Variants in UBASH3B observed in about 807,000 individuals in gnomAD.
UBASH3B encodes the protein ubiquitin associated and SH3 domain containing B.
UBASH3B carries 37 observed loss-of-function variants against 83.4 expected under a neutral mutation model. The ratio of observed to expected loss-of-function variants is 0.44; its 90% CI spans 0.34 to 0.58. The LOEUF is 0.58. Ranked by LOEUF, UBASH3B falls within the 20% of genes least tolerant of loss-of-function variation. The pLI is 0.01. For missense variants in UBASH3B, 657 were observed against 827.2 expected (o/e 0.79, Z 2.52); for synonymous variants, 304 against 318.3 (o/e 0.96, Z 0.48).
chr11:122,722,535 CA>C (rs1860657958), intron 1 of UBASH3B, among the ~76,000 whole-genome samples: 1 of 152,074 alleles, frequency 6.6e-6, no homozygotes, highest in Non-Finnish European at 1.5e-5. Flanking sequence ...TCTAGATATC[CA>C]AGGAGAAAAC....
Position 122,776,291 on chromosome 11 carries a change from A to T in UBASH3B, c.215+19A>T, listed in dbSNP as rs934794493. ...GTGACTGGTTGGTATGAGATAAATAAATTGAGAAAATAGCATATAATTAAC... is the reference window on the plus strand; with the variant it reads ...GTGACTGGTTGGTATGAGATAAATATATTGAGAAAATAGCATATAATTAAC... On this transcript the variant is annotated intron_variant, in intron 2 of 13. Coordinates refer to ENST00000284273, the MANE Select transcript of UBASH3B (RefSeq NM_032873.5). The T allele has an allele frequency of 6.3e-7, 1 of 1,596,624 alleles. No individual in the cohort carries two copies. Among genetic ancestry groups the T allele is most frequent in the Non-Finnish European group, 8.5e-7 (1 of 1,172,482 alleles).
chr11:122,737,318 G>A (rs1201052909), intron 1 of UBASH3B, among the ~76,000 whole-genome samples: 2 of 152,176 alleles, frequency 1.3e-5, no homozygotes, highest in Non-Finnish European at 2.9e-5. Flanking sequence ...TTGTCAAAGC[G>A]AGGGGTGATG....
At position 122,759,714 on chromosome 11, in the gene UBASH3B, G is replaced by A. The variant is rs909238384; in HGVS notation, c.162-16505G>A. The stretch of plus-strand genomic sequence containing the variant: ...CACAGTAGGGTTTGTGCTCCTGTGA[G>A]AATCTAATGCTGCCACTGATCTGAT... On this transcript the variant is annotated intron_variant, in intron 1 of 13. Transcript: ENST00000284273. This position sits in a 1 kb window ranked among gnomAD's most constrained non-coding sequence, Gnocchi z 4.1. Among the ~76,000 whole-genome samples the A allele has an allele frequency of 6.6e-6, 1 of 152,198 alleles. No individual in the cohort carries two copies. Among genetic ancestry groups the A allele is most frequent in the Admixed American group, 6.5e-5 (1 of 15,286 alleles).
At chr11:122,702,688 C>A (rs758013080) in intron 1 of UBASH3B, among the ~76,000 whole-genome samples, 1 of 152,006 alleles carries the variant, frequency 6.6e-6, no homozygotes, top group Non-Finnish European at 1.5e-5. Flanking sequence ...CCACACCCGG[C>A]AAATTTTTGT....
At chr11:122,774,219 C>G (rs149279611) in intron 1 of UBASH3B, 19 of 985,460 alleles carry the variant, frequency 1.9e-5, no homozygotes, top group Middle Eastern at 1.0e-3. Flanking sequence ...CTGTTCCAAG[C>G]GGAGCAGAGG....
At chr11:122,737,939 C>A (rs1860961072) in intron 1 of UBASH3B, among the ~76,000 whole-genome samples, 1 of 152,070 alleles carries the variant, frequency 6.6e-6, no homozygotes, top group Non-Finnish European at 1.5e-5. Flanking sequence ...TGGACAGATT[C>A]CTGAGGAATA....
chr11:122,810,857 T>A lies in UBASH3B; in HGVS notation c.*971T>A, dbSNP rs538409702. On this transcript the variant is annotated 3_prime_UTR_variant, in exon 14 of 14. Transcript: ENST00000284273. ...AAGTTCATTCTGTGCAATATGGACA[T>A]GTTTGCAAACCATACCAAGGGTCAG... 1 of 152,310 alleles carries A rather than the reference T, an allele frequency of 6.6e-6. No individual in the cohort carries two copies. Among genetic ancestry groups the A allele is most frequent in the South Asian group, 2.1e-4 (1 of 4,812 alleles). The allele number at this position is 152,310 out of a possible 1,614,324, so 9.4% of individuals were successfully genotyped here.
intron 1 of UBASH3B, among the ~76,000 whole-genome samples, chr11:122,725,347 A>AAAG (rs1260679185): frequency 6.7e-6 from 1 of 149,294 alleles, no homozygotes; most frequent in Admixed American, 6.7e-5. Flanking sequence ...AAAAAAAAGA[A>AAAG]AAGAAAAGAA....
intron 1 of UBASH3B, among the ~76,000 whole-genome samples, chr11:122,730,549 G>A (rs941725244): frequency 1.3e-5 from 2 of 151,590 alleles, no homozygotes; most frequent in South Asian, 4.2e-4. Flanking sequence ...CTGCACAACT[G>A]AGCTTGCCTT....
At chr11:122,722,794 C>T (rs1043018554) in intron 1 of UBASH3B, among the ~76,000 whole-genome samples, 6 of 151,984 alleles carry the variant, frequency 3.9e-5, no homozygotes, top group South Asian at 2.1e-4. Context: ...CAAGCTCTGC[C>T]TCCCAGGTGC....
In UBASH3B at chr11:122,795,123, C is replaced by T. The variant is rs527990641; in HGVS notation, c.1113+289C>T. On this transcript the variant is annotated intron_variant, in intron 7 of 13. Transcript: ENST00000284273. ...GTAGGAATAATGCCCATAGTTGTAT[C>T]TGTTTTGTAGGTTGTTACAAAGATT... Among the ~76,000 whole-genome samples, 125 of 152,210 alleles carry T rather than the reference C, an allele frequency of 8.2e-4. No homozygotes were observed. The South Asian group carries it at 0.011, about 13-fold the overall frequency.
At position 122,660,855 on chromosome 11, in the gene UBASH3B, CTG is replaced by C. The variant is rs557585438; in HGVS notation, c.161+4648_161+4649del. ...AGAGATAATAGTCTTGGGAAGGACA[CTG>C]TGGCAGGGATCAAAGGTCCTAAGGT... On this transcript the variant is annotated intron_variant, in intron 1 of 13. Coordinates refer to ENST00000284273, the MANE Select transcript of UBASH3B (RefSeq NM_032873.5). Among the ~76,000 whole-genome samples the C allele has an allele frequency of 2.8e-3, 428 of 152,290 alleles. 1 individual carries two copies. The highest frequency in any genetic ancestry group is 6.8e-3 in the Middle Eastern group (2 of 294).
At chr11:122,693,385 G>C (rs1036047766) in intron 1 of UBASH3B, among the ~76,000 whole-genome samples, 1 of 152,174 alleles carries the variant, frequency 6.6e-6, no homozygotes, top group African/African-American at 2.4e-5. Flanking sequence ...TGAGAAGAAC[G>C]TCTATTCTCC....
chr11:122,704,062 G>A (rs779731187), intron 1 of UBASH3B, among the ~76,000 whole-genome samples: 1 of 152,194 alleles, frequency 6.6e-6, no homozygotes, highest in Non-Finnish European at 1.5e-5. Context: ...TGCCTGCGGC[G>A]GTGGGGCTTT....
At chr11:122,760,363 T>TG (rs937088564) in intron 1 of UBASH3B, among the ~76,000 whole-genome samples, 6 of 151,732 alleles carry the variant, frequency 4.0e-5, no homozygotes, top group South Asian at 2.1e-4. Context: ...TTTTTTTTTT[T>TG]TTGTTATTGT....
chr11:122,667,781 G>C (rs1413997405), intron 1 of UBASH3B, among the ~76,000 whole-genome samples: 1 of 152,170 alleles, frequency 6.6e-6, no homozygotes, highest in African/African-American at 2.4e-5. Flanking sequence ...AGCTGGAATT[G>C]CTAGTAGGGC....
chr11:122,670,468 A>C (rs535480175), intron 1 of UBASH3B, among the ~76,000 whole-genome samples: 2 of 152,214 alleles, frequency 1.3e-5, no homozygotes, highest in Non-Finnish European at 2.9e-5. Context: ...CACTTAGGTT[A>C]CCAAATTCCT....
At chr11:122,808,988 G>C (rs1181481096) in intron 13 of UBASH3B, among the ~76,000 whole-genome samples, 6 of 147,504 alleles carry the variant, frequency 4.1e-5, no homozygotes, top group African/African-American at 1.2e-4. Flanking sequence ...AAAAAAAAAC[G>C]GGTGAAACAA....
intron 1 of UBASH3B, among the ~76,000 whole-genome samples, chr11:122,762,427 G>A (rs1199810743): frequency 6.6e-6 from 1 of 152,218 alleles, no homozygotes; most frequent in Non-Finnish European, 1.5e-5. Flanking sequence ...CCCAGAGCCT[G>A]ACTGTGGACA....
Sources: allele counts gnomAD v4.1 joint callset (sites outside exome capture counted in the v4.1 genomes callset), GRCh38; gene constraint gnomAD v4.1.1; non-coding constraint Gnocchi (gnomAD v3.1); transcripts MANE v1.5; gene names NCBI Gene and HGNC (gene_info 2026-07-23, HGNC 2026-07-21).